Variants in F13A1 observed in about 807,000 individuals in gnomAD.
F13A1 encodes the protein FSF, A subunit.
In F13A1, 47 loss-of-function variants were observed where a neutral mutation model predicts 80.1. The observed-to-expected ratio is 0.59, with a 90% CI of 0.46 to 0.75. The LOEUF is 0.75. Among genes scored for constraint, F13A1 ranks in the 30% least tolerant of loss-of-function variants. The probability of loss-of-function intolerance (pLI) is 0.00; values close to 1 mark genes in which losing one functional copy is unlikely to be tolerated. For missense variants in F13A1, 817 were observed against 930.4 expected (o/e 0.88, Z 1.59); for synonymous variants, 349 against 344.9 (o/e 1.01, Z -0.13).
intron 3 of F13A1, among the ~76,000 whole-genome samples, chr6:6,294,889 C>A (rs1758297376): frequency 9.2e-6 from 1 of 108,846 alleles, no homozygotes; most frequent in Non-Finnish European, 1.8e-5. Context: ...TGCTATCCCT[C>A]CCCCCTCCCC....
intron 11 of F13A1, among the ~76,000 whole-genome samples, chr6:6,177,861 G>T (rs906801061): frequency 6.6e-6 from 1 of 152,188 alleles, no homozygotes. Context: ...TTTTTGGAGC[G>T]AGGGCAAGAC....
At chr6:6,316,088 T>TAC (rs1758678718) in intron 2 of F13A1, among the ~76,000 whole-genome samples, 9 of 10,534 alleles carry the variant, frequency 8.5e-4, no homozygotes, top group African/African-American at 5.0e-3. Flanking sequence ...CATATATATA[T>TAC]ATATATATAT....
chr6:6,275,223 G>C (rs1757971536), intron 3 of F13A1, among the ~76,000 whole-genome samples: 1 of 152,084 alleles, frequency 6.6e-6, no homozygotes, highest in African/African-American at 2.4e-5. Context: ...AGGGGTGCCA[G>C]CGGAAGCAGG....
At chr6:6,275,806 T>A (rs914701158) in intron 3 of F13A1, among the ~76,000 whole-genome samples, 2 of 152,216 alleles carry the variant, frequency 1.3e-5, no homozygotes, top group Admixed American at 1.3e-4. Context: ...GGACCTGGTG[T>A]TGTTAACTGC....
chr6:6,204,368 G>T (rs1033868541), intron 8 of F13A1, among the ~76,000 whole-genome samples: 2 of 152,206 alleles, frequency 1.3e-5, no homozygotes, highest in African/African-American at 4.8e-5. Context: ...AGATGTCTTG[G>T]ACCAACTTCA....
rs1561685685 is a variant in F13A1, at chr6:6,305,333, C to G, written c.319+18G>C. The G allele has an allele frequency of 1.2e-6, 2 of 1,614,022 alleles. No individual in the cohort carries two copies. On this transcript the variant is annotated intron_variant, in intron 3 of 14. Transcript: ENST00000264870. The stretch of plus-strand genomic sequence containing the variant: ...GCAACCCATGGTGTCAAGACTGGAG[C>G]TTGCACATGGCACTCACCAATGACG...
At chr6:6,315,715 C>T (rs1362836765) in intron 2 of F13A1, among the ~76,000 whole-genome samples, 2 of 151,980 alleles carry the variant, frequency 1.3e-5, no homozygotes, top group Non-Finnish European at 2.9e-5. Flanking sequence ...GTCAGTATTA[C>T]AAGAGCAGCT....
intron 14 of F13A1, among the ~76,000 whole-genome samples, chr6:6,150,553 A>C (rs189420369): frequency 3.9e-5 from 6 of 152,332 alleles, no homozygotes; most frequent in Non-Finnish European, 7.3e-5. Flanking sequence ...ATGGGCAATA[A>C]AGTTGCCCCA....
intron 6 of F13A1, among the ~76,000 whole-genome samples, chr6:6,228,731 CA>C (rs35068752): frequency 0.046 from 3,305 of 72,554 alleles, 64 homozygotes; most frequent in African/African-American, 0.15. Context: ...GATCCTGTCT[CA>C]AAAAAAAAAA....
chr6:6,312,438 G>A (rs1431055762), intron 2 of F13A1, among the ~76,000 whole-genome samples: 1 of 11,966 alleles, frequency 8.4e-5, no homozygotes, highest in Non-Finnish European at 1.4e-4. Context: ...TTGGAAGGCT[G>A]AGGGGGGCGG....
chr6:6,315,504 A>C (rs1352771996), intron 2 of F13A1, among the ~76,000 whole-genome samples: 1 of 152,102 alleles, frequency 6.6e-6, no homozygotes, highest in African/African-American at 2.4e-5. Flanking sequence ...TATACATTTT[A>C]AAATACAGAT....
chr6:6,247,670 T>C (rs1757572741), intron 6 of F13A1, among the ~76,000 whole-genome samples: 1 of 152,206 alleles, frequency 6.6e-6, no homozygotes, highest in Non-Finnish European at 1.5e-5. Flanking sequence ...GCATGAAAAG[T>C]AGAAAATGTC....
chr6:6,236,681 G>A (rs1022774424), intron 6 of F13A1, among the ~76,000 whole-genome samples: 18 of 151,958 alleles, frequency 1.2e-4, no homozygotes, highest in Admixed American at 3.3e-4. Flanking sequence ...ATCATATTCC[G>A]TTAAATTTCA....
At chr6:6,219,243 C>T (rs2113053612) in intron 8 of F13A1, among the ~76,000 whole-genome samples, 1 of 152,158 alleles carries the variant, frequency 6.6e-6, no homozygotes, top group South Asian at 2.1e-4. Flanking sequence ...CGCCAGTCTA[C>T]ACCGCACTGA....
At chr6:6,307,217 G>A (rs955608140) in intron 2 of F13A1, among the ~76,000 whole-genome samples, 2 of 152,138 alleles carry the variant, frequency 1.3e-5, no homozygotes, top group African/African-American at 4.8e-5. Flanking sequence ...CCATTTCACA[G>A]GGCGTGGTGC....
chr6:6,151,332 AG>A (rs1760369423), intron 14 of F13A1, among the ~76,000 whole-genome samples: 1 of 152,182 alleles, frequency 6.6e-6, no homozygotes, highest in African/African-American at 2.4e-5. Context: ...AAAATCTGTG[AG>A]GTGAGGCTGG....
At chr6:6,287,449 A>G (rs1424834789) in intron 3 of F13A1, among the ~76,000 whole-genome samples, 2 of 151,960 alleles carry the variant, frequency 1.3e-5, no homozygotes, top group Admixed American at 6.6e-5. Flanking sequence ...AGAGAAACAG[A>G]CATAGGAGCA....
intron 2 of F13A1, among the ~76,000 whole-genome samples, chr6:6,307,966 C>T (rs1297593416): frequency 6.8e-6 from 1 of 146,516 alleles, no homozygotes; most frequent in African/African-American, 2.5e-5. Context: ...TATTTAAAGA[C>T]TGCTCATAGG....
chr6:6,202,331 G>T (rs950916921), intron 8 of F13A1, among the ~76,000 whole-genome samples: 47 of 151,970 alleles, frequency 3.1e-4, no homozygotes, highest in African/African-American at 9.4e-4. Context: ...TTTTCATCTT[G>T]CAATTCCATC....
Sources: allele counts gnomAD v4.1 joint callset (sites outside exome capture counted in the v4.1 genomes callset), GRCh38; gene constraint gnomAD v4.1.1; transcripts MANE v1.5; gene names NCBI Gene and HGNC (gene_info 2026-07-23, HGNC 2026-07-21).